The following TBC1D4 variants were observed in gnomAD, a reference collection of about 807,000 sequenced individuals.
TBC1D4 encodes TBC1 domain family member 4, also known as TBC (Tre-2, BUB2, CDC16) domain-containing protein.
Under a neutral mutation model 142.5 loss-of-function variants are expected in TBC1D4, and 121 were observed. The observed-to-expected ratio is 0.85, with a 90% CI of 0.73 to 0.99. TBC1D4 has a LOEUF of 0.99. Ranked by LOEUF, TBC1D4 falls within the 50% of genes least tolerant of loss-of-function variation. TBC1D4 has a pLI of 0.00. For missense variants in TBC1D4, 1,475 were observed against 1,606.6 expected, an observed-to-expected ratio of 0.92 and a Z score of 1.40; for synonymous variants, 630 against 628.2, an observed-to-expected ratio of 1.00 and a Z score of -0.04.
intron 12 of TBC1D4, 69 bp from the exon 13 acceptor site, chr13:75,312,967 G>A: frequency 6.4e-7 from 1 of 1,565,430 alleles, no homozygotes; most frequent in East Asian, 2.3e-5. Context: ...CAACCAACTG[G>A]TAGCACAAGC....
intron 1 of TBC1D4, among the ~76,000 whole-genome samples, chr13:75,442,532 A>G (rs1216277089): frequency 1.3e-5 from 2 of 152,106 alleles, no homozygotes; most frequent in Admixed American, 6.6e-5. Context: ...GGAAAAAAAA[A>G]CATTCTGGGA....
intron 11 of TBC1D4, among the ~76,000 whole-genome samples, chr13:75,323,143 C>G (rs1342520494): frequency 6.6e-6 from 1 of 152,056 alleles, no homozygotes; most frequent in African/African-American, 2.4e-5. Flanking sequence ...TGTACTATGT[C>G]TAAGAGAAAT....
chr13:75,288,079 T>C (rs1874880627), intron 20 of TBC1D4, among the ~76,000 whole-genome samples: 1 of 152,204 alleles, frequency 6.6e-6, no homozygotes, highest in East Asian at 1.9e-4. Flanking sequence ...TTATTGCATG[T>C]ATAAGTGTGC....
chr13:75,384,884 T>A lies in TBC1D4; in HGVS notation c.499-22277A>T, dbSNP rs1337020115. On this transcript the variant is annotated intron_variant, in intron 1 of 20. Transcript: ENST00000377636. ...TTTATTAAATATTCTTAAAAATTTT[T>A]AAATTTTATTGCCTTATAAATATTG... 2.0e-3 allele frequency among the ~76,000 whole-genome samples: 9 copies of A among 4,454 alleles called. No homozygotes were observed. In the Non-Finnish European group the frequency reaches 0.094, roughly 46 times the overall value. 2.9% of individuals were successfully genotyped at this position (4,454 alleles called of 152,430 possible).
intron 1 of TBC1D4, among the ~76,000 whole-genome samples, chr13:75,478,625 A>G (rs1440676136): frequency 6.6e-6 from 1 of 152,212 alleles, no homozygotes; most frequent in African/African-American, 2.4e-5. Context: ...AAGGGTCCCT[A>G]GAACTATCCA....
chr13:75,302,111 G>T, intron 16 of TBC1D4, 132 bp downstream of exon 16: 2 of 1,110,836 alleles, frequency 1.8e-6, no homozygotes, highest in Non-Finnish European at 2.6e-6. Flanking sequence ...CTCAGTAAAG[G>T]ACAAAGTCAA....
intron 13 of TBC1D4, among the ~76,000 whole-genome samples, chr13:75,310,409 G>A (rs1877630566): frequency 1.3e-5 from 2 of 152,174 alleles, no homozygotes; most frequent in South Asian, 4.1e-4. Context: ...CTCTGTAAGA[G>A]AGGTGCCCCA....
chr13:75,397,873 T>G (rs542353374), intron 1 of TBC1D4, among the ~76,000 whole-genome samples: 336 of 152,340 alleles, frequency 2.2e-3, no homozygotes, highest in Non-Finnish European at 3.4e-3. Flanking sequence ...AGGTGGCTGC[T>G]TTGATTAATA....
At chr13:75,478,211 T>G (rs1171109172) in intron 1 of TBC1D4, among the ~76,000 whole-genome samples, 3 of 152,174 alleles carry the variant, frequency 2.0e-5, no homozygotes, top group African/African-American at 7.2e-5. Context: ...ATCCTCCAAC[T>G]CGGTGGCTCT....
chr13:75,407,274 A>G (rs966946862), intron 1 of TBC1D4, among the ~76,000 whole-genome samples: 16 of 152,232 alleles, frequency 1.1e-4, no homozygotes, highest in Admixed American at 1.0e-3. Flanking sequence ...AGATTTAAAT[A>G]GACTAATAGA....
intron 1 of TBC1D4, among the ~76,000 whole-genome samples, chr13:75,400,449 G>A (rs1300112679): frequency 8.1e-6 from 1 of 123,974 alleles, no homozygotes; most frequent in Non-Finnish European, 1.6e-5. Flanking sequence ...AAACCTAACA[G>A]TAAATTCATG....
intron 1 of TBC1D4, among the ~76,000 whole-genome samples, chr13:75,470,759 G>A (rs1331266697): frequency 6.6e-6 from 1 of 152,174 alleles, no homozygotes; most frequent in African/African-American, 2.4e-5. Context: ...GCCAAGGCAG[G>A]TGGATCACCT....
chr13:75,467,298 T>C (rs1355659812), intron 1 of TBC1D4, among the ~76,000 whole-genome samples: 3 of 152,242 alleles, frequency 2.0e-5, no homozygotes, highest in Admixed American at 2.0e-4. Flanking sequence ...GCAGCTGTGT[T>C]TGCTGCTTTG....
chr13:75,379,262 G>GCACACACA (rs140885604), intron 1 of TBC1D4, among the ~76,000 whole-genome samples: 1 of 148,990 alleles, frequency 6.7e-6, no homozygotes, highest in African/African-American at 2.5e-5. Flanking sequence ...ATACACACAT[G>GCACACACA]CACACACACA....
chr13:75,341,722 A>T (rs1880722461), intron 5 of TBC1D4, 135 bp from the exon 6 acceptor site: 1 of 741,976 alleles, frequency 1.3e-6, no homozygotes, highest in Non-Finnish European at 2.4e-6. Flanking sequence ...GTTCCTGCCT[A>T]CAAGAAACCT....
chr13:75,395,588 T>G (rs1884751861), intron 1 of TBC1D4, among the ~76,000 whole-genome samples: 1 of 152,138 alleles, frequency 6.6e-6, no homozygotes, highest in Admixed American at 6.5e-5. Flanking sequence ...CCCAGCACGT[T>G]GGAAGGACGA....
chr13:75,405,290 A>C, intron 1 of TBC1D4, among the ~76,000 whole-genome samples: 1 of 121,048 alleles, frequency 8.3e-6, no homozygotes, highest in East Asian at 2.5e-4. Flanking sequence ...TTTTTTGGAG[A>C]GATGGAGTCT....
chr13:75,435,650 G>A (rs186244419), intron 1 of TBC1D4, among the ~76,000 whole-genome samples: 2 of 152,250 alleles, frequency 1.3e-5, no homozygotes, highest in East Asian at 3.9e-4. Flanking sequence ...CAGTGGCAAC[G>A]AATATACCAA....
chr13:75,366,450 G>GA (rs1882914931), intron 1 of TBC1D4, among the ~76,000 whole-genome samples: 1 of 51,436 alleles, frequency 1.9e-5, no homozygotes, highest in Non-Finnish European at 3.6e-5. Context: ...AATCAAGAGA[G>GA]GGAAAAATCA....
Sources: gnomAD v4.1 joint callset for allele counts (sites outside exome capture counted in the v4.1 genomes callset) on GRCh38, gnomAD v4.1.1 for gene constraint, MANE v1.5 for transcripts, NCBI Gene and HGNC (gene_info 2026-07-23, HGNC 2026-07-21) for gene names.